SUPV3L1: variants seen among roughly 807,000 people sequenced by gnomAD.
SUPV3L1 encodes the protein Suv3 like RNA helicase.
In SUPV3L1, 35 loss-of-function variants were observed where a neutral mutation model predicts 70.0. The ratio of observed to expected loss-of-function variants is 0.50; its 90% confidence interval spans 0.38 to 0.66. The LOEUF (loss-of-function observed/expected upper bound fraction) is 0.66, where lower values mean the gene tolerates loss of function less well. Ranked by LOEUF, SUPV3L1 falls within the 30% of genes least tolerant of loss-of-function variation. The probability of loss-of-function intolerance (pLI) is 0.00; values close to 1 mark genes in which losing one functional copy is unlikely to be tolerated. For synonymous variants in SUPV3L1, 364 were observed against 341.9 expected, an observed-to-expected ratio of 1.06 and a Z score of -0.71; for missense variants, 777 against 961.5, an observed-to-expected ratio of 0.81 and a Z score of 2.54.
intron 11 of SUPV3L1, among the ~76,000 whole-genome samples, chr10:69,200,785 G>A (rs1027245389): frequency 6.6e-6 from 1 of 152,168 alleles, no homozygotes; most frequent in Non-Finnish European, 1.5e-5. Flanking sequence ...GGAAGGAACA[G>A]GGAGAAAAGC....
At position 69,208,771 on chromosome 10, in the gene SUPV3L1, G is replaced by A. The variant is rs745805179; in HGVS notation, c.2097G>A (p.Leu699=). ...TTCCATCAGGGAGCCAGTCACGATT[G>A]TCAGGAACCTTAAAGAGCCAAGCTA... ...EGFPSGSQSR[L]SGTLKSQARR... is the part of the protein sequence containing the mutation. Residue 699 remains leucine, a synonymous_variant, in exon 15 of 15, where the codon TTG becomes TTA. Transcript: ENST00000359655. 2 of 1,614,164 alleles carry A rather than the reference G, an allele frequency of 1.2e-6. No homozygotes were observed. Among genetic ancestry groups the A allele is most frequent in the South Asian group, 2.2e-5 (2 of 91,084 alleles).
Position 69,189,339 on chromosome 10 carries a change from T to C in SUPV3L1, c.645T>C (p.Tyr215=), listed in dbSNP as rs1250536422. The part of the protein sequence containing the change: ...HSGPTNSGKT[Y]HAIQKYFSAK... ...GCCCCACAAACAGTGGAAAGACTTA[T>C]CACGCAATCCAGAAATACTTCTCAG... The change falls in exon 5 of 15, where the codon TAT becomes TAC. Residue 215 remains tyrosine, a synonymous_variant. Coordinates refer to ENST00000359655, the MANE Select transcript of SUPV3L1 (RefSeq NM_003171.5). 1.2e-6 allele frequency: 2 copies of C among 1,614,056 alleles called. No individual in the cohort carries two copies. The highest frequency in any genetic ancestry group is 2.7e-5 in the African/African-American group (2 of 74,942).
chr10:69,201,560 T>C (rs1842680879), intron 11 of SUPV3L1, among the ~76,000 whole-genome samples: 1 of 149,050 alleles, frequency 6.7e-6, no homozygotes, highest in Admixed American at 6.7e-5. Flanking sequence ...TTTGAGATAG[T>C]GTTTCACTCT....
chr10:69,203,097 C>G, intron 13 of SUPV3L1, 54 bp downstream of exon 13: 2 of 1,509,940 alleles, frequency 1.3e-6, no homozygotes, highest in Non-Finnish European at 1.8e-6. Flanking sequence ...TGCAGGTTCC[C>G]CAAACAGTAC....
At chr10:69,192,741 T>C (rs1842431298) in intron 6 of SUPV3L1, 1 of 152,296 alleles carries the variant, frequency 6.6e-6, no homozygotes, top group Admixed American at 6.5e-5. Flanking sequence ...GGGCTCACTG[T>C]GTCACCCAGG....
intron 13 of SUPV3L1, among the ~76,000 whole-genome samples, chr10:69,205,104 T>C (rs766871123): frequency 8.5e-5 from 13 of 152,200 alleles, no homozygotes; most frequent in Non-Finnish European, 1.9e-4. Context: ...TACTCACAAC[T>C]TGCCTTTTCT....
At chr10:69,187,271 A>T (rs372871248) in intron 3 of SUPV3L1, among the ~76,000 whole-genome samples, 1 of 151,974 alleles carries the variant, frequency 6.6e-6, no homozygotes, top group Admixed American at 6.6e-5. Flanking sequence ...AAAGTAAGAC[A>T]AAACAGGATC....
chr10:69,203,078 TC>T, intron 13 of SUPV3L1, 35 bp downstream of exon 13: 1 of 1,571,392 alleles, frequency 6.4e-7, no homozygotes, highest in Non-Finnish European at 8.6e-7. Context: ...TTGAGTTCCT[TC>T]TGGTTGATGC....
In SUPV3L1 at chr10:69,180,475, T is replaced by A; in HGVS notation, c.184T>A (p.Ser62Thr). Reference protein sequence around the residue: ...ASGGSKIPNTSLFVPLTVKPQ... With the variant: ...ASGGSKIPNTTLFVPLTVKPQ... ...CGGTGGCTCCAAAATACCAAACACGTCCTTGTTCGTGCCCCTGACTGTGAA... is the reference window on the plus strand; with the variant it reads ...CGGTGGCTCCAAAATACCAAACACGACCTTGTTCGTGCCCCTGACTGTGAA... The change falls in exon 1 of 15, where the codon TCC becomes ACC. Residue 62 changes from serine to threonine, a missense_variant. Ser to Thr is a moderately conservative substitution (Grantham distance 58). Coordinates refer to ENST00000359655, the MANE Select transcript of SUPV3L1 (RefSeq NM_003171.5). 6.2e-7 allele frequency: 1 copy of A among 1,614,170 alleles called. No individual in the cohort carries two copies. Among genetic ancestry groups the A allele is most frequent in the South Asian group, 1.1e-5 (1 of 91,082 alleles).
At chr10:69,193,114 A>T (rs1037122909) in intron 6 of SUPV3L1, 2 of 152,190 alleles carry the variant, frequency 1.3e-5, no homozygotes, top group Non-Finnish European at 2.9e-5. Context: ...AAGAAAACAA[A>T]TGTACATAAT....
Position 69,208,974 on chromosome 10 carries a change from C to T in SUPV3L1, c.2300C>T (p.Thr767Ile). ...CAAACTGAACACAACAAAGAAAAAA[C>T]AGAGTCTGGGACTCATCCAAAAGGG... ...TQQTEHNKEK[T>I]ESGTHPKGTR... The change falls in exon 15 of 15, where the codon ACA becomes ATA. Residue 767 changes from threonine to isoleucine, a missense_variant. Around this residue, in one of 2 missense-constraint regions of SUPV3L1, gnomAD observed 619 missense variants for 823.3 expected, o/e 0.75. Transcript: ENST00000359655. 1 of 1,613,132 alleles carries T rather than the reference C, an allele frequency of 6.2e-7. No individual in the cohort carries two copies. Among genetic ancestry groups the T allele is most frequent in the Non-Finnish European group, 8.5e-7 (1 of 1,179,866 alleles).
intron 11 of SUPV3L1, among the ~76,000 whole-genome samples, chr10:69,201,537 C>CT (rs35634841): frequency 0.17 from 23,707 of 137,502 alleles, 2,438 homozygotes; most frequent in Non-Finnish European, 0.24. Context: ...TTTTTCTTTC[C>CT]TTTTTTTTTT....
chr10:69,190,130 G>C (rs1047898953), intron 5 of SUPV3L1, among the ~76,000 whole-genome samples: 6 of 152,060 alleles, frequency 3.9e-5, no homozygotes, highest in Admixed American at 3.3e-4. Context: ...TATCATACTT[G>C]CTTCACTTAC....
rs7901874 is a variant in SUPV3L1 at position 69,202,394 on chromosome 10, A to T, written c.1519-45A>T. On this transcript the variant is annotated intron_variant, in intron 11 of 14. Coordinates refer to ENST00000359655, the MANE Select transcript of SUPV3L1 (RefSeq NM_003171.5). ...AACTTAAGAAAATTTGTCCTTTTTG[A>T]AAAAAAAAAAATCAGCTTATGATTG... 0.014 allele frequency: 11,953 copies of T among 843,826 alleles called. 697 individuals carry two copies. The African/African-American group carries it at 0.18, about 12-fold the overall frequency. 52.3% of individuals were successfully genotyped at this position (843,826 alleles called of 1,614,324 possible). A position where few individuals can be genotyped will look rare whatever the true frequency, so the allele number is the denominator to read the frequency against.
At chr10:69,190,260 A>G (rs1475977781) in intron 5 of SUPV3L1, among the ~76,000 whole-genome samples, 2 of 152,244 alleles carry the variant, frequency 1.3e-5, no homozygotes, top group African/African-American at 4.8e-5. Context: ...CTCTGATGCT[A>G]TCAGCTAGAG....
rs1842648897 is a variant in SUPV3L1, at chr10:69,200,188, C to G, written c.1299-92C>G. 17 of 1,035,064 alleles carry G rather than the reference C, an allele frequency of 1.6e-5. No homozygotes were observed. The South Asian group carries it at 2.4e-4, about 14-fold the overall frequency. 64.1% of individuals were successfully genotyped at this position (1,035,064 alleles called of 1,614,324 possible). A position where few individuals can be genotyped will look rare whatever the true frequency, so the allele number is the denominator to read the frequency against. On this transcript the variant is annotated intron_variant, in intron 10 of 14. Coordinates refer to ENST00000359655, the MANE Select transcript of SUPV3L1 (RefSeq NM_003171.5). The stretch of plus-strand genomic sequence containing the variant: ...GTGGCAGTCAAGGTTGCAAGAGGAC[C>G]TAAGCTAGTATTGGAGTGAGCATTA...
At chr10:69,197,129 C>T (rs759280587) in intron 8 of SUPV3L1, 46 bp downstream of exon 8, 46 of 1,539,820 alleles carry the variant, frequency 3.0e-5, no homozygotes, top group Non-Finnish European at 4.1e-5. Flanking sequence ...ATCAAATAGT[C>T]CAGAGTACCT....
chr10:69,184,616 TACACACACACACACACACACAC>T (rs59328806), intron 1 of SUPV3L1, among the ~76,000 whole-genome samples: 4 of 146,062 alleles, frequency 2.7e-5, no homozygotes, highest in African/African-American at 7.6e-5. Context: ...GAAATATAAA[TACACACACACACACACACACAC>T]ACACACACAC....
chr10:69,190,581 C>A (rs1435591535), intron 5 of SUPV3L1, among the ~76,000 whole-genome samples: 1 of 152,190 alleles, frequency 6.6e-6, no homozygotes. Context: ...ATTACTCTTA[C>A]TTAATACACA....
Sources: allele counts gnomAD v4.1 joint callset (sites outside exome capture counted in the v4.1 genomes callset), GRCh38; gene constraint gnomAD v4.1.1; regional missense constraint gnomAD v4.1.1; transcripts MANE v1.5; gene names NCBI Gene and HGNC (gene_info 2026-07-23, HGNC 2026-07-21).